Variants in RBPJ observed in about 807,000 individuals in gnomAD.
RBPJ encodes the protein recombination signal binding protein for immunoglobulin kappa J region, also known as recombining binding protein suppressor of hairless.
A neutral mutation model predicts 67.8 loss-of-function variants in RBPJ; 9 were observed. That is an observed-to-expected ratio of 0.13 (90% CI 0.08 to 0.23). The LOEUF is 0.23. Ranked by LOEUF, RBPJ falls within the 10% of genes least tolerant of loss-of-function variation. The pLI is 1.00. For synonymous variants in RBPJ, 198 were observed against 203.3 expected, an observed-to-expected ratio of 0.97 and a Z score of 0.22; for missense variants, 305 against 595.6, an observed-to-expected ratio of 0.51 and a Z score of 5.08.
the RBPJ span, among the ~76,000 whole-genome samples, chr4:26,116,819 A>C: frequency 6.6e-6 from 1 of 152,182 alleles, no homozygotes; most frequent in Non-Finnish European, 1.5e-5. Flanking sequence ...ACTAGGGAGA[A>C]TCTTCTGCCC....
intron 1 of RBPJ, chr4:26,362,565 C>T (rs778211483): frequency 6.2e-6 from 10 of 1,611,502 alleles, no homozygotes; most frequent in South Asian, 2.2e-5. Context: ...TGAGGTGCAT[C>T]GAAGTGTTCC....
the RBPJ span, among the ~76,000 whole-genome samples, chr4:26,155,271 G>A: frequency 1.3e-5 from 2 of 152,074 alleles, no homozygotes; most frequent in Non-Finnish European, 1.5e-5. Context: ...CATTTTCTAA[G>A]TGACCAGCTG....
At chr4:26,206,714 T>C in intron 1 of RBPJ, among the ~76,000 whole-genome samples, 1 of 148,080 alleles carries the variant, frequency 6.8e-6, no homozygotes, top group East Asian at 2.0e-4. Flanking sequence ...ACTCCAAGGA[T>C]TTTCAAAACT....
chr4:26,294,985 C>G (rs1294611560), intron 1 of RBPJ, among the ~76,000 whole-genome samples: 2 of 152,154 alleles, frequency 1.3e-5, no homozygotes, highest in African/African-American at 2.4e-5. Flanking sequence ...AGGGATAAAC[C>G]GTGAACCCCT....
At chr4:26,339,942 C>G (rs2109392538) in intron 1 of RBPJ, among the ~76,000 whole-genome samples, 1 of 152,060 alleles carries the variant, frequency 6.6e-6, no homozygotes, top group East Asian at 1.9e-4. Flanking sequence ...TTGCTTGAAC[C>G]CGGGATGCGG....
intron 1 of RBPJ, among the ~76,000 whole-genome samples, chr4:26,221,372 G>C (rs896251589): frequency 1.3e-5 from 2 of 152,218 alleles, no homozygotes; most frequent in African/African-American, 2.4e-5. Context: ...TTACAGGCAG[G>C]AGCCACCGTG....
At chr4:26,355,091 AG>A (rs2109463760) in intron 1 of RBPJ, among the ~76,000 whole-genome samples, 1 of 152,216 alleles carries the variant, frequency 6.6e-6, no homozygotes, top group East Asian at 1.9e-4. Context: ...TGTATAGGGT[AG>A]AGGGCAGTGG....
rs1339109036 is a variant in RBPJ at position 26,334,564 on chromosome 4, T to TG, written c.20+13518dup. On this transcript the variant is annotated intron_variant, in intron 1 of 10. Transcript: ENST00000355476. ...TGCAAAGGGGCTGCAAGACTAGGCC[T>TG]GGTCTATAAGGATTGCTTAACGTCC... is the stretch of plus-strand genomic sequence containing the variant. Among the ~76,000 whole-genome samples the TG allele has an allele frequency of 5.3e-5, 8 of 152,236 alleles. No homozygotes were observed. The East Asian group carries it at 1.5e-3, about 29-fold the overall frequency.
chr4:26,283,299 C>T (rs1167360302), intron 1 of RBPJ, among the ~76,000 whole-genome samples: 1 of 150,872 alleles, frequency 6.6e-6, no homozygotes, highest in Non-Finnish European at 1.5e-5. Context: ...AATCCCAGCA[C>T]TTTGGGAGGC....
At chr4:26,243,704 C>A (rs923104360) in intron 1 of RBPJ, among the ~76,000 whole-genome samples, 12 of 152,266 alleles carry the variant, frequency 7.9e-5, no homozygotes, top group African/African-American at 2.6e-4. Context: ...TCAGATTCCA[C>A]ATAAACATGA....
At chr4:26,224,538 G>A (rs990394032) in intron 1 of RBPJ, among the ~76,000 whole-genome samples, 10 of 152,138 alleles carry the variant, frequency 6.6e-5, no homozygotes, top group African/African-American at 9.6e-5. Flanking sequence ...GGAACTTCCC[G>A]CAACAGACAG....
chr4:26,340,733 C>T (rs1725427690), intron 1 of RBPJ, among the ~76,000 whole-genome samples: 1 of 151,980 alleles, frequency 6.6e-6, no homozygotes, highest in Non-Finnish European at 1.5e-5. Context: ...GTGGCGGGCA[C>T]CTGTAATCCC....
chr4:26,304,146 C>T lies in RBPJ; in HGVS notation c.-166-58300C>T, dbSNP rs570236138. Among the ~76,000 whole-genome samples, 18 of 152,288 alleles carry T rather than the reference C, an allele frequency of 1.2e-4. 1 individual carries two copies. The highest frequency in any genetic ancestry group is 9.2e-4 in the Admixed American group (14 of 15,292). ...CATGATTTGCTGCTTTCATTTAGCA[C>T]GTTTTCAAGGTCCATCCATGTTGTA... On this transcript the variant is annotated intron_variant, in intron 1 of 4. Transcript: ENST00000512351.
intron 2 of RBPJ, among the ~76,000 whole-genome samples, chr4:26,397,695 G>A (rs766273269): frequency 2.0e-5 from 3 of 152,016 alleles, no homozygotes; most frequent in South Asian, 2.1e-4. Context: ...GTGCAGTGGC[G>A]CGATCTTGCC....
intron 1 of RBPJ, among the ~76,000 whole-genome samples, chr4:26,385,487 C>CA (rs1730818901): frequency 6.6e-6 from 1 of 152,154 alleles, no homozygotes; most frequent in African/African-American, 2.4e-5. Flanking sequence ...TGAACCCAGC[C>CA]AATCTTACTC....
upstream of RBPJ, among the ~76,000 whole-genome samples, chr4:26,159,810 C>T (rs1400012747): frequency 1.3e-5 from 2 of 152,188 alleles, no homozygotes; most frequent in Non-Finnish European, 2.9e-5. Context: ...CCAAGTGGCT[C>T]TTCCATCTCA....
rs573541376 is a variant in RBPJ, at chr4:26,351,288, G to A, written c.20+30240G>A. ...ATTGAGATAGTAAAAGGGAATTAGG[G>A]AGTCCTGAAGGCAAATATTCATACT... On this transcript the variant is annotated intron_variant, in intron 1 of 10. Transcript: ENST00000355476. 3.2e-3 allele frequency among the ~76,000 whole-genome samples: 484 copies of A among 152,266 alleles called. 3 individuals are homozygous for A. Among genetic ancestry groups the A allele is most frequent in the Middle Eastern group, 6.8e-3 (2 of 294 alleles).
At chr4:26,334,715 C>T (rs1724631674) in intron 1 of RBPJ, among the ~76,000 whole-genome samples, 1 of 152,144 alleles carries the variant, frequency 6.6e-6, no homozygotes, top group Non-Finnish European at 1.5e-5. Context: ...AGTAAATAAC[C>T]TCCTTTTACC....
At chr4:26,247,640 C>G (rs1285281482) in intron 1 of RBPJ, among the ~76,000 whole-genome samples, 1 of 151,994 alleles carries the variant, frequency 6.6e-6, no homozygotes, top group Non-Finnish European at 1.5e-5. Context: ...GAACTCCCAA[C>G]CTCAGGTGAT....
Sources: allele counts gnomAD v4.1 joint callset (sites outside exome capture counted in the v4.1 genomes callset), GRCh38; gene constraint gnomAD v4.1.1; transcripts MANE v1.5; gene names NCBI Gene and HGNC (gene_info 2026-07-23, HGNC 2026-07-21).